Variants in NSD2 observed in about 807,000 individuals in gnomAD.
NSD2 encodes histone-lysine N-methyltransferase NSD2.
A neutral mutation model predicts 139.0 loss-of-function variants in NSD2; 12 were observed. That is an observed-to-expected ratio of 0.09 (90% CI 0.06 to 0.14). NSD2 has a LOEUF of 0.14. Ranked by LOEUF, NSD2 falls within the 10% of genes least tolerant of loss-of-function variation. The pLI is 1.00. For missense variants in NSD2, 1,155 were observed against 1,745.0 expected (o/e 0.66, Z 6.02); for synonymous variants, 669 against 648.7 (o/e 1.03, Z -0.48).
chr4:1,950,543 C>T (rs1255242124), intron 9 of NSD2, among the ~76,000 whole-genome samples: 1 of 152,214 alleles, frequency 6.6e-6, no homozygotes, highest in African/African-American at 2.4e-5. Flanking sequence ...ACTCTGCACC[C>T]CCGCGTAGGC....
intron 18 of NSD2, among the ~76,000 whole-genome samples, chr4:1,970,148 G>T (rs1186854939): frequency 6.6e-6 from 1 of 152,220 alleles, no homozygotes; most frequent in African/African-American, 2.4e-5. Context: ...GTTCAGCGGG[G>T]CTGAGTCACA....
intron 7 of NSD2, among the ~76,000 whole-genome samples, chr4:1,937,867 C>G (rs1484635091): frequency 1.3e-5 from 2 of 152,244 alleles, no homozygotes; most frequent in Non-Finnish European, 2.9e-5. Context: ...ATGATCCCTT[C>G]TCCCATTTCT....
At chr4:1,874,343 AC>A (rs1714095086) in intron 1 of NSD2, among the ~76,000 whole-genome samples, 1 of 152,066 alleles carries the variant, frequency 6.6e-6, no homozygotes, top group African/African-American at 2.4e-5. Flanking sequence ...TTGGGTGTGG[AC>A]TACCTGCCAC....
intron 17 of NSD2, 22 bp from the exon 18 acceptor site, chr4:1,961,013 G>T (rs540070253): frequency 5.0e-6 from 8 of 1,602,858 alleles, no homozygotes; most frequent in Non-Finnish European, 6.0e-6. Flanking sequence ...TTTTGTCATG[G>T]CCACATGCTT....
chr4:1,919,497 A>C (rs567925462), intron 5 of NSD2, among the ~76,000 whole-genome samples: 2 of 152,214 alleles, frequency 1.3e-5, no homozygotes, highest in Non-Finnish European at 2.9e-5. Context: ...TGGGTTCCCC[A>C]CTTCCCACTT....
intron 7 of NSD2, among the ~76,000 whole-genome samples, chr4:1,936,434 G>A (rs1722406014): frequency 6.6e-6 from 1 of 152,130 alleles, no homozygotes; most frequent in African/African-American, 2.4e-5. Flanking sequence ...ACTTTGGGAG[G>A]CTGAGGCAGG....
chr4:1,913,277 C>T (rs1274671134), intron 3 of NSD2, among the ~76,000 whole-genome samples: 6 of 152,182 alleles, frequency 3.9e-5, no homozygotes, highest in African/African-American at 1.2e-4. Flanking sequence ...CTTGGTCTAG[C>T]GGTAGCGCCA....
chr4:1,952,757 GC>G, intron 11 of NSD2: 2 of 1,094,992 alleles, frequency 1.8e-6, no homozygotes, highest in Non-Finnish European at 2.2e-6. Flanking sequence ...ATCAGGTGTC[GC>G]CCGGCACAGT....
intron 3 of NSD2, among the ~76,000 whole-genome samples, chr4:1,910,314 C>T (rs1000227275): frequency 6.6e-6 from 1 of 151,772 alleles, no homozygotes; most frequent in African/African-American, 2.4e-5. Context: ...CAACCTCTGT[C>T]TCCCAGGTTC....
intron 9 of NSD2, chr4:1,944,943 G>A (rs1192294025): frequency 1.9e-6 from 2 of 1,063,670 alleles, no homozygotes; most frequent in East Asian, 1.0e-4. Context: ...TTAAGAGAAT[G>A]TTTCTTAAAA....
intron 6 of NSD2, among the ~76,000 whole-genome samples, chr4:1,934,912 A>T (rs1368908712): frequency 1.7e-4 from 21 of 121,972 alleles, no homozygotes; most frequent in African/African-American, 5.8e-4. Flanking sequence ...TATATATAAA[A>T]AACAGATAAA....
chr4:1,967,301 C>T (rs986430312), intron 18 of NSD2, among the ~76,000 whole-genome samples: 3 of 152,132 alleles, frequency 2.0e-5, no homozygotes, highest in South Asian at 2.1e-4. Context: ...CCTGAGAGGC[C>T]GGGCACGGTG....
At chr4:1,965,154 G>A (rs1725761684) in intron 18 of NSD2, among the ~76,000 whole-genome samples, 1 of 150,386 alleles carries the variant, frequency 6.6e-6, no homozygotes, top group African/African-American at 2.4e-5. Context: ...AGAAAGGCCA[G>A]ATGATAGATC....
In NSD2 at chr4:1,951,109, C is replaced by T. The variant is rs748981823; in HGVS notation, c.1919C>T (p.Pro640Leu). Residue 640 changes from proline (P) to leucine (L), a missense_variant, in exon 10 of 22, where the codon CCA becomes CTA. Pro to Leu is a moderately conservative substitution (Grantham distance 98). Around this residue, in one of 8 missense-constraint regions of NSD2, gnomAD observed 420 missense variants for 469.0 expected, o/e 0.90. Coordinates refer to ENST00000508803, the MANE Select transcript of NSD2 (RefSeq NM_001042424.3). ...CCGGGAGACGAGCCCTCGGAGTCCC[C>T]ATACGAAAGTGCAGACGAAACACAA... ...DSPGDEPSES[P>L]YESADETQTE... 1.2e-6 allele frequency: 2 copies of T among 1,614,076 alleles called. No individual in the cohort carries two copies. Among genetic ancestry groups the T allele is most frequent in the Non-Finnish European group, 1.7e-6 (2 of 1,180,036 alleles).
intron 3 of NSD2, among the ~76,000 whole-genome samples, chr4:1,916,314 G>C (rs189911684): frequency 6.6e-6 from 1 of 152,084 alleles, no homozygotes; most frequent in Admixed American, 6.6e-5. Context: ...CATTTAGTCA[G>C]CTAGCTAGCT....
intron 9 of NSD2, chr4:1,944,734 C>G: frequency 9.4e-7 from 1 of 1,064,836 alleles, no homozygotes; most frequent in Non-Finnish European, 1.1e-6. Flanking sequence ...ATTGGGCCAT[C>G]AAGCCTTTAT....
chr4:1,912,952 G>GT (rs1463646782), intron 3 of NSD2, among the ~76,000 whole-genome samples: 2 of 152,216 alleles, frequency 1.3e-5, no homozygotes, highest in East Asian at 3.9e-4. Context: ...GGCACAGGCT[G>GT]TTCCAGTATA....
intron 9 of NSD2, among the ~76,000 whole-genome samples, chr4:1,949,872 A>C (rs1179402197): frequency 6.6e-6 from 1 of 152,170 alleles, no homozygotes; most frequent in Non-Finnish European, 1.5e-5. Flanking sequence ...ATGTCAGCTA[A>C]ATGTGGAAAA....
In NSD2 at chr4:1,955,523, A is replaced by G; in HGVS notation, c.2519-170A>G. 2.4e-6 allele frequency: 3 copies of G among 1,231,846 alleles called. No homozygotes were observed. Among genetic ancestry groups the G allele is most frequent in the Non-Finnish European group, 2.2e-6 (2 of 914,386 alleles). The allele number at this position is 1,231,846 out of a possible 1,614,324, so 76.3% of individuals were successfully genotyped here. On this transcript the variant is annotated intron_variant, in intron 13 of 21. Coordinates refer to ENST00000508803, the MANE Select transcript of NSD2 (RefSeq NM_001042424.3). The surrounding 1 kb of genome is among the most constrained non-coding windows in gnomAD (Gnocchi z 4.7). ...TGTAATCATTTCGCAAACATACAGG[A>G]AATTATTTGTGGTGAAAATGACATT... is the stretch of plus-strand genomic sequence containing the variant.
Sources: gnomAD v4.1 joint callset for allele counts (sites outside exome capture counted in the v4.1 genomes callset) on GRCh38, gnomAD v4.1.1 for gene constraint, gnomAD v4.1.1 regional missense constraint, Gnocchi (gnomAD v3.1) non-coding constraint, MANE v1.5 for transcripts, NCBI Gene and HGNC (gene_info 2026-07-23, HGNC 2026-07-21) for gene names.